The following ADRA1A variants were observed in gnomAD, a reference collection of about 807,000 sequenced individuals.
ADRA1A encodes the protein alpha-1A adrenergic receptor.
In ADRA1A, 31 loss-of-function variants were observed where a neutral mutation model predicts 29.6. That is an observed-to-expected ratio of 1.05 (90% confidence interval 0.79 to 1.41). The LOEUF is 1.41. Ranked by LOEUF, ADRA1A falls within the 40% of genes most tolerant of loss-of-function variation. The pLI is 0.00. For missense variants in ADRA1A, 619 were observed against 601.1 expected (o/e 1.03, Z -0.31); for synonymous variants, 311 against 254.3 (o/e 1.22, Z -2.12).
At chr8:26,857,277 G>A (rs950736293) in intron 2 of ADRA1A, among the ~76,000 whole-genome samples, 3 of 152,210 alleles carry the variant, frequency 2.0e-5, no homozygotes, top group African/African-American at 7.2e-5. Context: ...TTTGACCATA[G>A]AATCATGAGA....
chr8:26,808,531 A>T (rs1585733852), intron 2 of ADRA1A, among the ~76,000 whole-genome samples: 1 of 152,202 alleles, frequency 6.6e-6, no homozygotes, highest in African/African-American at 2.4e-5. Flanking sequence ...TTCTATGCTG[A>T]TGACAAAGCC....
At chr8:26,817,765 G>A (rs900836411) in intron 2 of ADRA1A, among the ~76,000 whole-genome samples, 7 of 152,128 alleles carry the variant, frequency 4.6e-5, no homozygotes, top group Non-Finnish European at 1.0e-4. Flanking sequence ...GTGACAGAGC[G>A]AGACCTTATC....
chr8:26,835,252 A>G (rs757832582), intron 2 of ADRA1A, among the ~76,000 whole-genome samples: 35 of 152,152 alleles, frequency 2.3e-4, no homozygotes, highest in Non-Finnish European at 4.6e-4. Context: ...TTTTTATAAC[A>G]CTTAACTTTT....
intron 2 of ADRA1A, among the ~76,000 whole-genome samples, chr8:26,785,942 G>C (rs1433082021): frequency 6.6e-6 from 1 of 152,096 alleles, no homozygotes; most frequent in African/African-American, 2.4e-5. Context: ...TCCATTGTCA[G>C]GCCCTACTCA....
Position 26,770,624 on chromosome 8 carries a change from T to C in ADRA1A, c.926A>G (p.Lys309Arg), listed in dbSNP as rs1806073429. The C allele has an allele frequency of 6.2e-7, 1 of 1,613,918 alleles. No individual in the cohort carries two copies. Among genetic ancestry groups the C allele is most frequent in the Admixed American group, 1.7e-5 (1 of 59,992 alleles). Residue 309 changes from lysine (K) to arginine (R), a missense_variant, in exon 3 of 3, where the codon AAA becomes AGA. Coordinates refer to ENST00000380573, the MANE Select transcript of ADRA1A (RefSeq NM_000680.4). ...TAGATATCCGAGCCAAAATACTATT[T>C]TAAAAACTGTTTCAGAGGGCTTGAA... is the stretch of plus-strand genomic sequence containing the variant. ...PDFKPSETVFKIVFWLGYLNS... is the reference protein window; with the variant it reads ...PDFKPSETVFRIVFWLGYLNS...
chr8:26,805,949 G>A lies in ADRA1A; in HGVS notation c.884-35283C>T, dbSNP rs961925185. 1.3e-5 allele frequency among the ~76,000 whole-genome samples: 2 copies of A among 152,104 alleles called. No homozygotes were observed. The highest frequency in any genetic ancestry group is 2.9e-5 in the Non-Finnish European group (2 of 68,018). The stretch of plus-strand genomic sequence containing the variant: ...TAGGCATCTTCTATCACTGTTGCAG[G>A]TGCAGGCCCCCTCCACACCCACTCT... On this transcript the variant is annotated intron_variant, in intron 2 of 2. Transcript: ENST00000380573. The surrounding 1 kb of genome is among the most constrained non-coding windows in gnomAD (Gnocchi z 4.8).
chr8:26,776,216 C>T lies in ADRA1A; in HGVS notation c.884-5550G>A, dbSNP rs538943497. 9.8e-5 allele frequency among the ~76,000 whole-genome samples: 15 copies of T among 152,304 alleles called. No individual in the cohort carries two copies. The South Asian group carries it at 1.7e-3, about 17-fold the overall frequency. On this transcript the variant is annotated intron_variant, in intron 2 of 2. Coordinates refer to ENST00000380573, the MANE Select transcript of ADRA1A (RefSeq NM_000680.4). ...TTGGTGAGAGTAGGAACTGAGTTCT[C>T]GAATTCCTATCCAGCACTGGTCATT...
At chr8:26,780,662 G>C (rs1341339944) in intron 2 of ADRA1A, among the ~76,000 whole-genome samples, 1 of 152,222 alleles carries the variant, frequency 6.6e-6, no homozygotes, top group Non-Finnish European at 1.5e-5. Flanking sequence ...GTACCAGTCT[G>C]TGGCCTGTTA....
At position 26,805,712 on chromosome 8, in the gene ADRA1A, A is replaced by G. The variant is rs1413853614; in HGVS notation, c.884-35046T>C. ...ATAATTACTTGCTATGAAAAGTATT[A>G]CAAGGCTTTCTTTTTTGTGTTGCTT... On this transcript the variant is annotated intron_variant, in intron 2 of 2. Transcript: ENST00000380573. This position sits in a 1 kb window ranked among gnomAD's most constrained non-coding sequence, Gnocchi z 4.8. Among the ~76,000 whole-genome samples, 1 of 152,230 alleles carries G rather than the reference A, an allele frequency of 6.6e-6. No homozygotes were observed. The highest frequency in any genetic ancestry group is 1.9e-4 in the East Asian group (1 of 5,196).
chr8:26,755,191 C>CT (rs1805100586), downstream of ADRA1A, among the ~76,000 whole-genome samples: 2 of 143,308 alleles, frequency 1.4e-5, no homozygotes, highest in Non-Finnish European at 3.1e-5. Context: ...AGAAATAGAC[C>CT]TCCTTTTTTT....
At position 26,866,196 on chromosome 8, in the gene ADRA1A, T is replaced by C. The variant is rs61757015; in HGVS notation, c.-686-541A>G. Among the ~76,000 whole-genome samples the C allele has an allele frequency of 1.3e-5, 2 of 152,092 alleles. No homozygotes were observed. Among genetic ancestry groups the C allele is most frequent in the Non-Finnish European group, 2.9e-5 (2 of 68,000 alleles). ...CACGCCGGTGGAATTCGCACTCGGG[T>C]GTGCAGAGCGCACCGGTCTGTCCAC... On this transcript the variant is annotated intron_variant, in intron 1 of 2. Transcript: ENST00000380573. The surrounding 1 kb of genome is among the most constrained non-coding windows in gnomAD (Gnocchi z 5.7).
intron 2 of ADRA1A, among the ~76,000 whole-genome samples, chr8:26,817,453 C>T (rs1246003141): frequency 1.3e-5 from 2 of 152,212 alleles, no homozygotes; most frequent in African/African-American, 4.8e-5. Flanking sequence ...GATACAACCA[C>T]TTTGGAAAAC....
chr8:26,786,558 T>G (rs1254343958), intron 2 of ADRA1A, among the ~76,000 whole-genome samples: 1 of 151,976 alleles, frequency 6.6e-6, no homozygotes, highest in Admixed American at 6.6e-5. Context: ...CAACCTGATC[T>G]CTTGATCTAT....
chr8:26,815,503 C>T lies in ADRA1A; in HGVS notation c.884-44837G>A, dbSNP rs1162357489. 2.6e-5 allele frequency among the ~76,000 whole-genome samples: 4 copies of T among 152,102 alleles called. No individual in the cohort carries two copies. Among genetic ancestry groups the T allele is most frequent in the Non-Finnish European group, 5.9e-5 (4 of 68,026 alleles). On this transcript the variant is annotated intron_variant, in intron 2 of 2. Transcript: ENST00000380573. This position sits in a 1 kb window ranked among gnomAD's most constrained non-coding sequence, Gnocchi z 4.2. ...CAAGTGATGTGGGTTGCATAAACCACATCAGGACAGAAGATGAGGCCTTGG... is the reference window on the plus strand; with the variant it reads ...CAAGTGATGTGGGTTGCATAAACCATATCAGGACAGAAGATGAGGCCTTGG...
chr8:26,786,541 G>C (rs1807401521), intron 2 of ADRA1A, among the ~76,000 whole-genome samples: 1 of 152,048 alleles, frequency 6.6e-6, no homozygotes, highest in Admixed American at 6.6e-5. Context: ...AAAGTGCTGG[G>C]ATTACACAAC....
rs1430126816 is a variant in ADRA1A, at chr8:26,823,999, C to T, written c.883+40088G>A. On this transcript the variant is annotated intron_variant, in intron 2 of 2. Coordinates refer to ENST00000380573, the MANE Select transcript of ADRA1A (RefSeq NM_000680.4). The surrounding 1 kb of genome is among the most constrained non-coding windows in gnomAD (Gnocchi z 4.2). The stretch of plus-strand genomic sequence containing the variant: ...AAAATGGAGTGCCCAATGAATAGAG[C>T]TGCTTCTTTCTCCTCCCCCTGCCTC... Among the ~76,000 whole-genome samples, 2 of 152,118 alleles carry T rather than the reference C, an allele frequency of 1.3e-5. No homozygotes were observed. Among genetic ancestry groups the T allele is most frequent in the African/African-American group, 4.8e-5 (2 of 41,420 alleles).
Position 26,864,270 on chromosome 8 carries a change from G to A in ADRA1A, c.700C>T (p.Leu234Phe). The part of the protein sequence containing the change: ...TDKSDSEQVT[L>F]RIHRKNAPAG... ...GGGGCGTTTTTCCGATGGATGCGGA[G>A]CGTCACTTGCTCCGAGTCCGACTTG... The change falls in exon 2 of 3, where the codon CTC becomes TTC. Residue 234 changes from leucine (L) to phenylalanine (F), a missense_variant. Transcript: ENST00000380573. This position sits in a 1 kb window ranked among gnomAD's most constrained non-coding sequence, Gnocchi z 8.1. The A allele has an allele frequency of 2.5e-6, 4 of 1,614,174 alleles. No individual in the cohort carries two copies. Among genetic ancestry groups the A allele is most frequent in the South Asian group, 2.2e-5 (2 of 91,078 alleles).
chr8:26,790,451 G>A (rs778075447), intron 2 of ADRA1A, among the ~76,000 whole-genome samples: 3 of 152,112 alleles, frequency 2.0e-5, no homozygotes, highest in Non-Finnish European at 4.4e-5. Flanking sequence ...ACTGAAGGCT[G>A]GGAAGAATCG....
At chr8:26,786,543 T>A (rs1807401716) in intron 2 of ADRA1A, among the ~76,000 whole-genome samples, 1 of 152,058 alleles carries the variant, frequency 6.6e-6, no homozygotes, top group Non-Finnish European at 1.5e-5. Flanking sequence ...AGTGCTGGGA[T>A]TACACAACCT....
Sources: allele counts gnomAD v4.1 joint callset (sites outside exome capture counted in the v4.1 genomes callset), GRCh38; gene constraint gnomAD v4.1.1; non-coding constraint Gnocchi (gnomAD v3.1); transcripts MANE v1.5; gene names NCBI Gene and HGNC (gene_info 2026-07-23, HGNC 2026-07-21).